The following SSBP2 variants were observed in gnomAD, a reference collection of about 807,000 sequenced individuals.
SSBP2 encodes the protein single stranded DNA binding protein 2.
SSBP2 carries 17 observed loss-of-function variants against 61.8 expected under a neutral mutation model. The observed-to-expected ratio is 0.28, with a 90% CI of 0.19 to 0.41. The LOEUF (loss-of-function observed/expected upper bound fraction) is 0.41. Among genes scored for constraint, SSBP2 ranks in the 10% least tolerant of loss-of-function variants. The probability of loss-of-function intolerance (pLI) is 1.00; values close to 1 mark genes in which losing one functional copy is unlikely to be tolerated. For synonymous variants in SSBP2, 139 were observed against 141.3 expected, an observed-to-expected ratio of 0.98 and a Z score of 0.12; for missense variants, 310 against 458.7, an observed-to-expected ratio of 0.68 and a Z score of 2.96.
At chr5:81,538,703 C>A (rs1053560542) in intron 4 of SSBP2, among the ~76,000 whole-genome samples, 1 of 152,196 alleles carries the variant, frequency 6.6e-6, no homozygotes, top group Non-Finnish European at 1.5e-5. Context: ...TTCTGAAAAT[C>A]CTATGGCCCT....
intron 16 of SSBP2, among the ~76,000 whole-genome samples, chr5:81,426,866 G>C (rs1761984901): frequency 6.6e-6 from 1 of 152,092 alleles, no homozygotes; most frequent in Non-Finnish European, 1.5e-5. Context: ...TTTTAAAAAA[G>C]TTTTTTTCCA....
At chr5:81,739,361 CTT>C (rs898096338) in intron 1 of SSBP2, among the ~76,000 whole-genome samples, 1 of 152,098 alleles carries the variant, frequency 6.6e-6, no homozygotes, top group Non-Finnish European at 1.5e-5. Context: ...CTAAAATACT[CTT>C]TACTTGCCCC....
chr5:81,667,856 TCA>T (rs892459327), intron 1 of SSBP2, among the ~76,000 whole-genome samples: 5 of 152,298 alleles, frequency 3.3e-5, no homozygotes, highest in East Asian at 3.9e-4. Context: ...AATGAAGAGT[TCA>T]CAGTTTTCTA....
chr5:81,723,152 T>C (rs1393095745), intron 1 of SSBP2, among the ~76,000 whole-genome samples: 5 of 152,048 alleles, frequency 3.3e-5, no homozygotes, highest in Admixed American at 6.6e-5. Flanking sequence ...AAGGACTACG[T>C]TGAATAACAG....
intron 4 of SSBP2, among the ~76,000 whole-genome samples, chr5:81,522,618 T>C (rs1769577509): frequency 6.6e-6 from 1 of 152,158 alleles, no homozygotes; most frequent in African/African-American, 2.4e-5. Context: ...ATTTGAAGCA[T>C]TTTAATTTTC....
chr5:81,615,406 T>C (rs1050449176), intron 4 of SSBP2, 67 bp downstream of exon 4: 11 of 1,168,090 alleles, frequency 9.4e-6, no homozygotes, highest in Admixed American at 8.8e-5. Context: ...AGCCAGTGTA[T>C]TTTTTAAGAG....
At chr5:81,690,338 C>A (rs148386924) in intron 1 of SSBP2, among the ~76,000 whole-genome samples, 1 of 152,084 alleles carries the variant, frequency 6.6e-6, no homozygotes, top group East Asian at 1.9e-4. Flanking sequence ...CAAGATCCAA[C>A]GATCTGTTGC....
At chr5:81,671,682 A>G (rs936773140) in intron 1 of SSBP2, among the ~76,000 whole-genome samples, 3 of 152,186 alleles carry the variant, frequency 2.0e-5, no homozygotes, top group Non-Finnish European at 2.9e-5. Flanking sequence ...ACAAAATCTT[A>G]AGAAAAAAAC....
At chr5:81,614,359 C>CAAAAAAAAAAAAAAAAAAAAAA (rs10659647) in intron 4 of SSBP2, among the ~76,000 whole-genome samples, 1 of 73,826 alleles carries the variant, frequency 1.4e-5, no homozygotes, top group African/African-American at 5.0e-5. Context: ...GACTCCGTCT[C>CAAAAAAAAAAAAAAAAAAAAAA]AAAAAAAAAA....
At chr5:81,611,052 G>A (rs1193200694) in intron 4 of SSBP2, among the ~76,000 whole-genome samples, 2 of 152,156 alleles carry the variant, frequency 1.3e-5, no homozygotes, top group East Asian at 3.8e-4. Context: ...GCACAAAATA[G>A]AGTGTCACAT....
intron 4 of SSBP2, among the ~76,000 whole-genome samples, chr5:81,537,935 T>G (rs1397217224): frequency 6.6e-6 from 1 of 152,066 alleles, no homozygotes; most frequent in Non-Finnish European, 1.5e-5. Context: ...AAACAAAAGC[T>G]AAAAATGACA....
intron 1 of SSBP2, among the ~76,000 whole-genome samples, chr5:81,664,896 T>G (rs929003171): frequency 2.0e-5 from 3 of 152,284 alleles, no homozygotes; most frequent in African/African-American, 7.2e-5. Context: ...ATTTTCGGGT[T>G]CTCTGTTCTG....
chr5:81,661,465 C>T (rs184344110), intron 1 of SSBP2, among the ~76,000 whole-genome samples: 2 of 152,138 alleles, frequency 1.3e-5, no homozygotes, highest in Admixed American at 6.5e-5. Flanking sequence ...ATATTCCCAC[C>T]AACAGTGTAC....
intron 1 of SSBP2, among the ~76,000 whole-genome samples, chr5:81,722,474 G>GACCT (rs79068870): frequency 0.092 from 13,806 of 150,748 alleles, 1,086 homozygotes; most frequent in East Asian, 0.37. Flanking sequence ...TGGGCTAGGA[G>GACCT]ACCTACCTTT....
intron 5 of SSBP2, among the ~76,000 whole-genome samples, chr5:81,500,030 T>C (rs958030300): frequency 5.3e-5 from 8 of 152,238 alleles, no homozygotes; most frequent in Non-Finnish European, 8.8e-5. Context: ...TTAAAGAAAC[T>C]GGCCTATGGG....
intron 1 of SSBP2, among the ~76,000 whole-genome samples, chr5:81,749,107 G>A (rs1421484837): frequency 1.3e-5 from 2 of 152,152 alleles, no homozygotes; most frequent in Non-Finnish European, 2.9e-5. Flanking sequence ...TCCTTCAGAT[G>A]TTTTTATCAG....
chr5:81,615,319 A>G (rs1317377854), intron 4 of SSBP2, 154 bp downstream of exon 4: 1 of 655,022 alleles, frequency 1.5e-6, no homozygotes, highest in African/African-American at 1.8e-5. Flanking sequence ...TCTATTTCAC[A>G]TTTAAAGTTA....
intron 5 of SSBP2, among the ~76,000 whole-genome samples, chr5:81,511,151 T>C (rs144435294): frequency 6.7e-4 from 102 of 152,284 alleles, no homozygotes; most frequent in African/African-American, 2.3e-3. Flanking sequence ...CATCCTTAAA[T>C]GCGAAATTGG....
At chr5:81,628,608 G>A (rs1747407723) in intron 3 of SSBP2, among the ~76,000 whole-genome samples, 1 of 152,152 alleles carries the variant, frequency 6.6e-6, no homozygotes. Flanking sequence ...TAAGAGTTGG[G>A]AATGTTTAAC....
Sources: allele counts gnomAD v4.1 joint callset (sites outside exome capture counted in the v4.1 genomes callset), GRCh38; gene constraint gnomAD v4.1.1; transcripts MANE v1.5; gene names NCBI Gene and HGNC (gene_info 2026-07-23, HGNC 2026-07-21).